PLD5: variants seen among roughly 807,000 people sequenced by gnomAD.
PLD5 encodes phospholipase D family member 5.
A neutral mutation model predicts 61.1 loss-of-function variants in PLD5; 36 were observed. The ratio of observed to expected loss-of-function variants is 0.59; its 90% CI spans 0.45 to 0.78. PLD5 has a LOEUF of 0.78. Among genes scored for constraint, PLD5 ranks in the 30% least tolerant of loss-of-function variants. The pLI is 0.00. For missense variants in PLD5, 515 were observed against 644.4 expected (o/e 0.80, Z 2.17); for synonymous variants, 243 against 242.8 (o/e 1.00, Z -0.01).
At chr1:242,357,488 T>C (rs980448915) in intron 1 of PLD5, among the ~76,000 whole-genome samples, 3 of 150,314 alleles carry the variant, frequency 2.0e-5, no homozygotes, top group African/African-American at 7.4e-5. Flanking sequence ...TGACATTTTT[T>C]CTTTTTTTTT....
At chr1:242,357,778 T>C (rs1374078344) in intron 1 of PLD5, among the ~76,000 whole-genome samples, 1 of 152,138 alleles carries the variant, frequency 6.6e-6, no homozygotes, top group Non-Finnish European at 1.5e-5. Flanking sequence ...TGAGCCACTG[T>C]GCCTGGCCAT....
At chr1:242,490,359 C>A (rs886617430) in intron 1 of PLD5, among the ~76,000 whole-genome samples, 2 of 152,156 alleles carry the variant, frequency 1.3e-5, no homozygotes, top group East Asian at 3.9e-4. Flanking sequence ...CAAAAGTGTT[C>A]TAAAATAAAC....
chr1:242,089,663 C>A lies in PLD5; in HGVS notation c.*191G>T. 1.5e-6 allele frequency: 1 copy of A among 678,196 alleles called. No homozygotes were observed. Among genetic ancestry groups the A allele is most frequent in the Admixed American group, 3.1e-5 (1 of 31,970 alleles). The allele number at this position is 678,196 out of a possible 1,614,324, so 42.0% of individuals were successfully genotyped here. A position where few individuals can be genotyped will look rare whatever the true frequency, so the allele number is the denominator to read the frequency against. The stretch of plus-strand genomic sequence containing the variant: ...CATTCTCTGTCAGAGGTAACAAATA[C>A]AAAAGTCTTAATTTTAGTGTACACG... On this transcript the variant is annotated 3_prime_UTR_variant, in exon 10 of 10. Coordinates refer to ENST00000536534, the MANE Select transcript of PLD5 (RefSeq NM_001372062.1).
chr1:242,492,860 T>C (rs1647064215), intron 1 of PLD5, among the ~76,000 whole-genome samples: 1 of 152,094 alleles, frequency 6.6e-6, no homozygotes, highest in South Asian at 2.1e-4. Flanking sequence ...TGTTTCTTCT[T>C]ATAAGTGCAT....
At chr1:242,152,845 G>A (rs1337293724) in intron 5 of PLD5, among the ~76,000 whole-genome samples, 1 of 152,182 alleles carries the variant, frequency 6.6e-6, no homozygotes, top group Non-Finnish European at 1.5e-5. Context: ...ATAGTGGAAT[G>A]ATTTATAATC....
chr1:242,240,187 C>T (rs1192273042), intron 4 of PLD5, among the ~76,000 whole-genome samples: 1 of 151,792 alleles, frequency 6.6e-6, no homozygotes, highest in Non-Finnish European at 1.5e-5. Context: ...ACAGGTCTTT[C>T]CATGGCCTCC....
At chr1:242,175,588 G>T (rs1667086276) in intron 5 of PLD5, among the ~76,000 whole-genome samples, 1 of 152,206 alleles carries the variant, frequency 6.6e-6, no homozygotes, top group Non-Finnish European at 1.5e-5. Context: ...AGTATTGGAA[G>T]TTCTGGCCAG....
chr1:242,313,665 C>A (rs1676836468), intron 2 of PLD5, among the ~76,000 whole-genome samples: 1 of 152,190 alleles, frequency 6.6e-6, no homozygotes, highest in South Asian at 2.1e-4. Flanking sequence ...TCCTTCATTT[C>A]CCACATTTTG....
At chr1:242,269,216 C>T (rs1427471666) in intron 3 of PLD5, among the ~76,000 whole-genome samples, 2 of 152,132 alleles carry the variant, frequency 1.3e-5, no homozygotes, top group Non-Finnish European at 2.9e-5. Context: ...AAAATCTTGC[C>T]CTTTCTAGTA....
chr1:242,238,672 G>C (rs1446825552), intron 4 of PLD5, among the ~76,000 whole-genome samples: 1 of 152,186 alleles, frequency 6.6e-6, no homozygotes, highest in Admixed American at 6.5e-5. Flanking sequence ...AGAGTTCTCT[G>C]GGGGAAATGA....
At chr1:242,126,714 A>G (rs1662813865) in intron 5 of PLD5, among the ~76,000 whole-genome samples, 1 of 152,240 alleles carries the variant, frequency 6.6e-6, no homozygotes, top group African/African-American at 2.4e-5. Context: ...ATTCTAGAAC[A>G]TAACACTGGA....
upstream of PLD5, among the ~76,000 whole-genome samples, chr1:242,527,119 T>TTTTTTTTTTTTG (rs1669466135): frequency 6.3e-5 from 1 of 15,860 alleles, no homozygotes; most frequent in Non-Finnish European, 1.3e-4. Flanking sequence ...TCCTTCTTTT[T>TTTTTTTTTTTTG]TTTTTTTTTT....
intron 2 of PLD5, among the ~76,000 whole-genome samples, chr1:242,319,429 G>T (rs1349908187): frequency 6.6e-6 from 1 of 151,326 alleles, no homozygotes; most frequent in African/African-American, 2.4e-5. Context: ...GATTGTGTGT[G>T]TATATACTAT....
chr1:242,500,688 G>A (rs1995480), intron 1 of PLD5, among the ~76,000 whole-genome samples: 8,508 of 152,190 alleles, frequency 0.056, 511 homozygotes, highest in African/African-American at 0.15. Flanking sequence ...AAGGGAAGAA[G>A]AGAAGAAGGA....
chr1:242,150,150 C>A (rs907468804), intron 5 of PLD5, among the ~76,000 whole-genome samples: 1 of 151,600 alleles, frequency 6.6e-6, no homozygotes, highest in Non-Finnish European at 1.5e-5. Flanking sequence ...TTCATATATT[C>A]ACAGATTGTA....
chr1:242,226,373 CCTA>C (rs1670945094), intron 4 of PLD5, among the ~76,000 whole-genome samples: 1 of 152,172 alleles, frequency 6.6e-6, no homozygotes, highest in African/African-American at 2.4e-5. Flanking sequence ...TGCAGATCCT[CCTA>C]CTTTCGGCCC....
chr1:242,434,394 GATCAAGAC>G (rs1323066594), intron 1 of PLD5, among the ~76,000 whole-genome samples: 3 of 152,216 alleles, frequency 2.0e-5, no homozygotes, highest in Non-Finnish European at 4.4e-5. Context: ...CAGGAGAGGT[GATCAAGAC>G]ATTGTTTTAG....
chr1:242,249,881 A>G (rs947219882), intron 4 of PLD5, among the ~76,000 whole-genome samples: 1 of 152,232 alleles, frequency 6.6e-6, no homozygotes. Context: ...GGAGACAGAT[A>G]CTATCTAAAT....
intron 1 of PLD5, among the ~76,000 whole-genome samples, chr1:242,453,303 C>T (rs1666846394): frequency 6.6e-6 from 1 of 152,176 alleles, no homozygotes; most frequent in Non-Finnish European, 1.5e-5. Flanking sequence ...CTGGGACTTT[C>T]CAGCCTCCAG....
Sources: gnomAD v4.1 joint callset for allele counts (sites outside exome capture counted in the v4.1 genomes callset) on GRCh38, gnomAD v4.1.1 for gene constraint, MANE v1.5 for transcripts, NCBI Gene and HGNC (gene_info 2026-07-23, HGNC 2026-07-21) for gene names.